Variants in USH2A observed in about 807,000 individuals in gnomAD.
USH2A encodes usherin, also known as Usher syndrome 2A (autosomal recessive, mild).
A neutral mutation model predicts 538.9 loss-of-function variants in USH2A; 443 were observed. The ratio of observed to expected loss-of-function variants is 0.82; its 90% CI spans 0.76 to 0.89. The LOEUF is 0.89. Ranked by LOEUF, USH2A falls within the 40% of genes least tolerant of loss-of-function variation. The pLI, the probability that USH2A is intolerant of heterozygous loss-of-function variation, is 0.00. For synonymous variants in USH2A, 2,413 were observed against 2,273.5 expected (o/e 1.06, Z -1.75); for missense variants, 6,633 against 6,324.8 (o/e 1.05, Z -1.65).
At chr1:215,971,580 A>T (rs1194343916) in intron 35 of USH2A, among the ~76,000 whole-genome samples, 1 of 152,054 alleles carries the variant, frequency 6.6e-6, no homozygotes, top group African/African-American at 2.4e-5. Flanking sequence ...ACATAGAGAG[A>T]CCCTATCTCT....
chr1:216,247,040 T>C lies in USH2A; in HGVS notation c.2354A>G (p.Tyr785Cys). 1 of 1,614,030 alleles carries C rather than the reference T, an allele frequency of 6.2e-7. No individual in the cohort carries two copies. The highest frequency in any genetic ancestry group is 1.1e-5 in the South Asian group (1 of 91,082). ...LQCDTCRENFYGLDVTNCKAC... is the reference protein window; with the variant it reads ...LQCDTCRENFCGLDVTNCKAC... ...CTTACAATTGGTGACATCTAACCCATAAAAGTTTTCTCTGCAGGTGTCACA... is the reference window on the plus strand; with the variant it reads ...CTTACAATTGGTGACATCTAACCCACAAAAGTTTTCTCTGCAGGTGTCACA... Residue 785 changes from tyrosine (Y) to cysteine (C), a missense_variant, in exon 13 of 72, where the codon TAT becomes TGT. Tyr to Cys is a radical substitution (Grantham distance 194). Coordinates refer to ENST00000307340, the MANE Select transcript of USH2A (RefSeq NM_206933.4).
chr1:215,835,529 T>C lies in USH2A; in HGVS notation c.9371+2462A>G, dbSNP rs76430948. On this transcript the variant is annotated intron_variant, in intron 47 of 71. Transcript: ENST00000307340. ...CCTCAGTTTCTCCAGAGAATAAATG[T>C]CTAATCTCCTGGTCGGTGGACTTTG... 0.013 allele frequency among the ~76,000 whole-genome samples: 1,976 copies of C among 152,194 alleles called. 90 individuals carry two copies. In the East Asian group the frequency reaches 0.15, roughly 12 times the overall value.
intron 37 of USH2A, among the ~76,000 whole-genome samples, chr1:215,962,814 T>C (rs1251708490): frequency 1.3e-5 from 2 of 152,154 alleles, no homozygotes; most frequent in African/African-American, 4.8e-5. Flanking sequence ...TAATACGTGG[T>C]CAAAAGTGAA....
At chr1:216,082,028 G>A (rs1406976798) in intron 26 of USH2A, among the ~76,000 whole-genome samples, 1 of 152,016 alleles carries the variant, frequency 6.6e-6, no homozygotes, top group Non-Finnish European at 1.5e-5. Context: ...TAGACCTCCA[G>A]CTCAGGCATA....
rs146569216 is a variant in USH2A, at chr1:215,782,833, T to A, written c.10490A>T (p.Asp3497Val). Residue 3497 changes from aspartate (D) to valine (V), a missense_variant, in exon 53 of 72, where the codon GAT becomes GTT. Physicochemically the swap from Asp to Val is radical, Grantham distance 152. Transcript: ENST00000307340. Reference sequence around the variant, plus strand: ...AGGGGGACTCACTCCTTGAGGCACATCTTCTTTTGTTCTGGCTCTCACAGC... The same window carrying A: ...AGGGGGACTCACTCCTTGAGGCACAACTTCTTTTGTTCTGGCTCTCACAGC... Reference protein sequence around the residue: ...SKAVRARTKEDVPQGVSPPTW... With the variant: ...SKAVRARTKEVVPQGVSPPTW... The A allele has an allele frequency of 6.2e-7, 1 of 1,614,010 alleles. No homozygotes were observed.
chr1:215,942,516 G>A (rs563913727), intron 37 of USH2A, among the ~76,000 whole-genome samples: 2 of 152,184 alleles, frequency 1.3e-5, no homozygotes, highest in South Asian at 4.1e-4. Context: ...AAGAGATTTT[G>A]GACAAATTGT....
At chr1:216,334,500 G>A (rs925668064) in intron 4 of USH2A, among the ~76,000 whole-genome samples, 1 of 151,984 alleles carries the variant, frequency 6.6e-6, no homozygotes, top group East Asian at 1.9e-4. Flanking sequence ...AATGTAAATG[G>A]CTTAAGCACT....
At chr1:216,011,882 A>T (rs1409408740) in intron 32 of USH2A, among the ~76,000 whole-genome samples, 1 of 149,312 alleles carries the variant, frequency 6.7e-6, no homozygotes, top group African/African-American at 2.5e-5. Flanking sequence ...CACACCTGAC[A>T]CCCAAGACTG....
intron 49 of USH2A, among the ~76,000 whole-genome samples, chr1:215,813,408 G>T (rs1178049892): frequency 6.6e-6 from 1 of 152,094 alleles, no homozygotes; most frequent in Non-Finnish European, 1.5e-5. Context: ...GGAACAGTCA[G>T]CAATTCACAT....
At chr1:215,766,423 G>A (rs1558088645) in intron 56 of USH2A, among the ~76,000 whole-genome samples, 1 of 152,178 alleles carries the variant, frequency 6.6e-6, no homozygotes, top group East Asian at 1.9e-4. Context: ...TAACATCTGA[G>A]TTTTTGAAAA....
intron 61 of USH2A, among the ~76,000 whole-genome samples, chr1:215,722,461 A>G (rs1308732115): frequency 6.6e-6 from 1 of 152,254 alleles, no homozygotes; most frequent in African/African-American, 2.4e-5. Flanking sequence ...AAATAAATTT[A>G]TCAATTTACT....
intron 4 of USH2A, among the ~76,000 whole-genome samples, chr1:216,328,995 G>A (rs751687607): frequency 1.3e-5 from 2 of 152,038 alleles, no homozygotes; most frequent in Non-Finnish European, 2.9e-5. Flanking sequence ...CTACCCATTA[G>A]TCTCAGTCTT....
chr1:216,044,122 A>G (rs974660968), intron 32 of USH2A, among the ~76,000 whole-genome samples: 9 of 152,150 alleles, frequency 5.9e-5, no homozygotes, highest in African/African-American at 2.2e-4. Flanking sequence ...ATTATGGTTC[A>G]GCAGGGCAAA....
chr1:215,869,193 A>G (rs971666741), intron 43 of USH2A, among the ~76,000 whole-genome samples: 2 of 152,216 alleles, frequency 1.3e-5, no homozygotes, highest in Admixed American at 1.3e-4. Flanking sequence ...AGAGAGATAA[A>G]TAACTTGTCC....
At chr1:215,716,942 T>G (rs1178309246) in intron 61 of USH2A, among the ~76,000 whole-genome samples, 1 of 152,184 alleles carries the variant, frequency 6.6e-6, no homozygotes, top group African/African-American at 2.4e-5. Context: ...TTTTATCACT[T>G]TCCCAAGTGG....
Position 215,888,793 on chromosome 1 carries a change from G to T in USH2A, c.7856C>A (p.Thr2619Lys), listed in dbSNP as rs778372214. 8 of 1,614,020 alleles carry T rather than the reference G, an allele frequency of 5.0e-6. No homozygotes were observed. In the Admixed American group the frequency reaches 1.2e-4, roughly 24 times the overall value. The stretch of plus-strand genomic sequence containing the variant: ...GATCCCTTCCGGTGCCCCTGGGAGT[G>T]TCCATACAGTCTGGGACTCTGGTGA... ...SLSPESQTVW[T>K]LPGAPEGIPS... The change falls in exon 41 of 72, where the codon ACA (threonine) becomes AAA (lysine). Residue 2619 changes from threonine to lysine, a missense_variant. By Grantham distance (78) the Thr-to-Lys change is moderately conservative. Transcript: ENST00000307340.
Position 216,232,096 on chromosome 1 carries a change from T to C in USH2A, c.2850A>G (p.Pro950=), listed in dbSNP as rs1572074238. Residue 950 remains proline (P), a synonymous_variant, in exon 14 of 72, where the codon CCA becomes CCG. Transcript: ENST00000307340. ...ISPGNATGCL[P]CSCHTTGAVN... The stretch of plus-strand genomic sequence containing the variant: ...CTGCACCAGTTGTATGGCATGAGCA[T>C]GGCAGGCAGCCAGTGGCATTGCCTG... The C allele has an allele frequency of 6.2e-7, 1 of 1,613,874 alleles. No individual in the cohort carries two copies. Among genetic ancestry groups the C allele is most frequent in the Non-Finnish European group, 8.5e-7 (1 of 1,179,846 alleles).
chr1:216,188,958 T>TATC (rs1214327154), intron 20 of USH2A, among the ~76,000 whole-genome samples: 1 of 151,940 alleles, frequency 6.6e-6, no homozygotes, highest in Non-Finnish European at 1.5e-5. Flanking sequence ...TCTGAAATTG[T>TATC]ATCATTTAAA....
In USH2A at chr1:216,337,520, C is replaced by T. The variant is rs1208910501; in HGVS notation, c.785-9866G>A. Among the ~76,000 whole-genome samples the T allele has an allele frequency of 2.6e-5, 4 of 151,302 alleles. No individual in the cohort carries two copies. The East Asian group carries it at 5.8e-4, about 22-fold the overall frequency. On this transcript the variant is annotated intron_variant, in intron 4 of 71. Coordinates refer to ENST00000307340, the MANE Select transcript of USH2A (RefSeq NM_206933.4). ...TAATATACAAGTAGAAAACCCTAAA[C>T]AATTAGGAATAGGTGGGAAAGTTTT...
Sources: gnomAD v4.1 joint callset for allele counts (sites outside exome capture counted in the v4.1 genomes callset) on GRCh38, gnomAD v4.1.1 for gene constraint, MANE v1.5 for transcripts, NCBI Gene and HGNC (gene_info 2026-07-23, HGNC 2026-07-21) for gene names.